Variants in BANK1 observed in about 807,000 individuals in gnomAD.
BANK1 encodes B-cell scaffold protein with ankyrin repeats.
In BANK1, 95 loss-of-function variants were observed where a neutral mutation model predicts 94.5. That is an observed-to-expected ratio of 1.00 (90% CI 0.85 to 1.19). The LOEUF is 1.19. Among genes scored for constraint, BANK1 ranks in the 50% most tolerant of loss-of-function variants. The probability of loss-of-function intolerance (pLI) is 0.00; values close to 1 mark genes in which losing one functional copy is unlikely to be tolerated. For synonymous variants in BANK1, 334 were observed against 308.4 expected (o/e 1.08, Z -0.87); for missense variants, 987 against 932.2 (o/e 1.06, Z -0.77).
chr4:101,936,632 A>C (rs1723571853), intron 7 of BANK1, among the ~76,000 whole-genome samples: 1 of 151,252 alleles, frequency 6.6e-6, no homozygotes, highest in African/African-American at 2.4e-5. Context: ...TTAATTATCC[A>C]ACTAAAAAAT....
At chr4:101,853,053 A>G (rs993019517) in intron 2 of BANK1, among the ~76,000 whole-genome samples, 1 of 152,146 alleles carries the variant, frequency 6.6e-6, no homozygotes, top group Admixed American at 6.6e-5. Context: ...GTGTGTGTGT[A>G]TAAGCCAGGA....
intron 7 of BANK1, among the ~76,000 whole-genome samples, chr4:101,931,816 A>T (rs72686762): frequency 6.6e-6 from 1 of 151,420 alleles, no homozygotes; most frequent in Admixed American, 6.6e-5. Context: ...GAATATTGAC[A>T]TGGAGAGAGG....
At chr4:101,814,263 C>T (rs1450852494) in intron 1 of BANK1, among the ~76,000 whole-genome samples, 2 of 152,126 alleles carry the variant, frequency 1.3e-5, no homozygotes, top group African/African-American at 4.8e-5. Flanking sequence ...TTAAATCTGC[C>T]TAAAGCCCAT....
intron 1 of BANK1, among the ~76,000 whole-genome samples, chr4:101,792,469 GTTT>G (rs5860691): frequency 0.048 from 4,732 of 97,582 alleles, 91 homozygotes; most frequent in South Asian, 0.081. Flanking sequence ...GTGTGTGTGT[GTTT>G]TTTTTTTTTT....
At chr4:101,998,499 C>T (rs1316247165) in intron 7 of BANK1, among the ~76,000 whole-genome samples, 2 of 152,056 alleles carry the variant, frequency 1.3e-5, no homozygotes, top group Non-Finnish European at 1.5e-5. Flanking sequence ...GATCTGTCTA[C>T]TATTGACAGT....
At chr4:101,982,884 T>A (rs981477553) in intron 7 of BANK1, among the ~76,000 whole-genome samples, 3 of 151,996 alleles carry the variant, frequency 2.0e-5, no homozygotes, top group East Asian at 3.8e-4. Context: ...TATATATATA[T>A]GTATATACGC....
intron 7 of BANK1, among the ~76,000 whole-genome samples, chr4:101,961,698 T>G (rs1724575256): frequency 6.6e-6 from 1 of 152,196 alleles, no homozygotes; most frequent in Non-Finnish European, 1.5e-5. Context: ...ACCAAAGGTT[T>G]CAAATAGATT....
At chr4:101,918,821 G>A (rs73836645) in intron 7 of BANK1, among the ~76,000 whole-genome samples, 124 of 151,866 alleles carry the variant, frequency 8.2e-4, no homozygotes, top group African/African-American at 2.8e-3. Flanking sequence ...TGGCTATTTT[G>A]GCATTTATTC....
At chr4:102,033,460 GTTTA>G (rs1252926249) in intron 10 of BANK1, among the ~76,000 whole-genome samples, 3 of 152,010 alleles carry the variant, frequency 2.0e-5, no homozygotes, top group Admixed American at 6.5e-5. Context: ...TGTGTACTAA[GTTTA>G]TTTATTAGTT....
chr4:101,882,460 G>A (rs2148886015), intron 5 of BANK1, among the ~76,000 whole-genome samples: 1 of 152,184 alleles, frequency 6.6e-6, no homozygotes, highest in African/African-American at 2.4e-5. Context: ...ACTTTTAACA[G>A]CATACAATTC....
chr4:102,003,513 G>A (rs1726145825), intron 7 of BANK1, among the ~76,000 whole-genome samples: 1 of 152,124 alleles, frequency 6.6e-6, no homozygotes, highest in Non-Finnish European at 1.5e-5. Context: ...ACCTTTTCCT[G>A]GACTACCTCA....
chr4:101,854,176 G>A (rs1258918462), intron 2 of BANK1, among the ~76,000 whole-genome samples: 1 of 152,018 alleles, frequency 6.6e-6, no homozygotes, highest in Non-Finnish European at 1.5e-5. Context: ...GCTTTTGGGT[G>A]GGCATGAGTT....
chr4:102,007,092 A>AAT (rs1726301442), intron 7 of BANK1, among the ~76,000 whole-genome samples: 1 of 82,318 alleles, frequency 1.2e-5, no homozygotes, highest in East Asian at 2.4e-4. Flanking sequence ...ATATATATAT[A>AAT]ATATATTTAT....
intron 7 of BANK1, among the ~76,000 whole-genome samples, chr4:102,008,002 T>G (rs1054584638): frequency 6.6e-6 from 1 of 152,154 alleles, no homozygotes; most frequent in African/African-American, 2.4e-5. Flanking sequence ...TAGAAGAACT[T>G]TAAACTGTAG....
chr4:102,008,325 C>T lies in BANK1; in HGVS notation c.1207-13189C>T, dbSNP rs555317108. On this transcript the variant is annotated intron_variant, in intron 7 of 16. Coordinates refer to ENST00000322953, the MANE Select transcript of BANK1 (RefSeq NM_017935.5). ...TGGATTCATATGAGGATCACGATAT[C>T]GGTGAAACTCCTTTGAAAAACATGA... Among the ~76,000 whole-genome samples, 7 of 152,258 alleles carry T rather than the reference C, an allele frequency of 4.6e-5. No individual in the cohort carries two copies. The South Asian group carries it at 6.2e-4, about 14-fold the overall frequency.
chr4:102,070,187 A>G (rs1728713972), intron 13 of BANK1, among the ~76,000 whole-genome samples: 1 of 152,186 alleles, frequency 6.6e-6, no homozygotes, highest in Admixed American at 6.5e-5. Context: ...AAGAGACCCA[A>G]GCAGGCACTG....
At chr4:101,859,872 G>T (rs1251515081) in intron 3 of BANK1, among the ~76,000 whole-genome samples, 1 of 152,104 alleles carries the variant, frequency 6.6e-6, no homozygotes. Context: ...AGCTAGAAAG[G>T]CAAGACACAG....
At chr4:102,046,703 G>C (rs181834340) in intron 11 of BANK1, among the ~76,000 whole-genome samples, 243 of 152,246 alleles carry the variant, frequency 1.6e-3, no homozygotes, top group Non-Finnish European at 3.0e-3. Context: ...GCAGAGAAGA[G>C]CTGAAAACTG....
intron 10 of BANK1, 70 bp from the exon 11 acceptor site, chr4:102,043,769 G>A: frequency 1.1e-6 from 1 of 942,904 alleles, no homozygotes; most frequent in Non-Finnish European, 1.6e-6. Context: ...CTGGCTTCCT[G>A]GAGACTTCTA....
Sources: allele counts gnomAD v4.1 joint callset (sites outside exome capture counted in the v4.1 genomes callset), GRCh38; gene constraint gnomAD v4.1.1; transcripts MANE v1.5; gene names NCBI Gene and HGNC (gene_info 2026-07-23, HGNC 2026-07-21).